The following CDH13 variants were observed in gnomAD, a reference collection of about 807,000 sequenced individuals.
CDH13 encodes the protein cadherin 13, also known as cadherin-13.
Under a neutral mutation model 63.8 loss-of-function variants are expected in CDH13, and 24 were observed. The ratio of observed to expected loss-of-function variants is 0.38; its 90% CI spans 0.27 to 0.53. CDH13 has a LOEUF of 0.53. Among genes scored for constraint, CDH13 ranks in the 20% least tolerant of loss-of-function variants. CDH13 has a pLI of 0.85. For synonymous variants in CDH13, 503 were observed against 355.3 expected, an observed-to-expected ratio of 1.42 and a Z score of -4.67; for missense variants, 1,049 against 903.1, an observed-to-expected ratio of 1.16 and a Z score of -2.07.
chr16:83,530,656 A>T (rs535436432), intron 7 of CDH13, among the ~76,000 whole-genome samples: 1 of 152,332 alleles, frequency 6.6e-6, no homozygotes, highest in South Asian at 2.1e-4. Context: ...TCTTAACCAC[A>T]CACACAAGGC....
Position 83,178,616 on chromosome 16 carries a change from A to T in CDH13, c.484-38729A>T, listed in dbSNP as rs941440350. Among the ~76,000 whole-genome samples the T allele has an allele frequency of 2.6e-5, 4 of 152,192 alleles. No individual in the cohort carries two copies. The East Asian group carries it at 7.7e-4, about 29-fold the overall frequency. ...ATTTTTAAAAATGATCACTTTGTGA[A>T]TTCTGTTAGCTGGTTGATTTTATTT... On this transcript the variant is annotated intron_variant, in intron 4 of 13. Coordinates refer to ENST00000567109, the MANE Select transcript of CDH13 (RefSeq NM_001257.5).
intron 6 of CDH13, among the ~76,000 whole-genome samples, chr16:83,401,765 C>T (rs570898530): frequency 2.0e-5 from 3 of 152,172 alleles, no homozygotes; most frequent in African/African-American, 4.8e-5. Flanking sequence ...AAACAGTTCC[C>T]TCAACAAAGA....
At chr16:82,896,710 G>A (rs2041280130) in intron 2 of CDH13, among the ~76,000 whole-genome samples, 1 of 145,188 alleles carries the variant, frequency 6.9e-6, no homozygotes, top group African/African-American at 2.5e-5. Context: ...CTGACTCTCA[G>A]TGAATAAGAG....
chr16:83,769,849 C>G (rs910463003), intron 11 of CDH13, among the ~76,000 whole-genome samples: 1 of 151,670 alleles, frequency 6.6e-6, no homozygotes, highest in Non-Finnish European at 1.5e-5. Context: ...TTTTGCATTT[C>G]AAAAAGGGCT....
At chr16:83,300,367 A>G (rs908007504) in intron 5 of CDH13, among the ~76,000 whole-genome samples, 2 of 152,228 alleles carry the variant, frequency 1.3e-5, no homozygotes, top group African/African-American at 4.8e-5. Context: ...ACTGTTCTTT[A>G]TATAGAGCTT....
At chr16:82,809,040 A>T (rs184037988) in intron 1 of CDH13, among the ~76,000 whole-genome samples, 1 of 152,128 alleles carries the variant, frequency 6.6e-6, no homozygotes, top group Non-Finnish European at 1.5e-5. Context: ...GAACATGCAT[A>T]TACATATGTA....
At chr16:83,691,252 C>G (rs1440304508) in intron 10 of CDH13, among the ~76,000 whole-genome samples, 2 of 152,134 alleles carry the variant, frequency 1.3e-5, no homozygotes, top group Non-Finnish European at 2.9e-5. Flanking sequence ...GAGGAAAGTA[C>G]AGGAATTCGG....
At chr16:83,112,902 C>G (rs2035127742) in intron 3 of CDH13, among the ~76,000 whole-genome samples, 1 of 152,126 alleles carries the variant, frequency 6.6e-6, no homozygotes, top group Non-Finnish European at 1.5e-5. Context: ...TGAGGAGGAA[C>G]TTTAAGACCG....
At chr16:82,692,163 T>C (rs777098374) in intron 1 of CDH13, among the ~76,000 whole-genome samples, 19 of 152,142 alleles carry the variant, frequency 1.2e-4, no homozygotes, top group African/African-American at 3.9e-4. Flanking sequence ...TGCTTAGGAG[T>C]GTAAGCTGCA....
chr16:83,509,973 C>A (rs74034250), intron 7 of CDH13, among the ~76,000 whole-genome samples: 3 of 152,238 alleles, frequency 2.0e-5, no homozygotes, highest in South Asian at 4.1e-4. Flanking sequence ...GGTATTGTAG[C>A]CAGCGTACCT....
intron 4 of CDH13, among the ~76,000 whole-genome samples, chr16:83,192,008 G>T (rs1397552854): frequency 6.6e-6 from 1 of 152,112 alleles, no homozygotes; most frequent in Non-Finnish European, 1.5e-5. Context: ...GAATTGATAT[G>T]ACGGTTAAAG....
intron 3 of CDH13, among the ~76,000 whole-genome samples, chr16:83,065,843 A>G (rs2031967555): frequency 6.6e-6 from 1 of 152,070 alleles, no homozygotes; most frequent in Non-Finnish European, 1.5e-5. Flanking sequence ...CACAGGACAC[A>G]CAGCTGGGGA....
chr16:83,686,154 G>A (rs927100855), intron 10 of CDH13, among the ~76,000 whole-genome samples: 10 of 152,174 alleles, frequency 6.6e-5, no homozygotes, highest in South Asian at 2.1e-4. Context: ...TCAGAACGCC[G>A]GAGCTTCCTC....
At chr16:83,035,059 T>C (rs1054362732) in intron 3 of CDH13, among the ~76,000 whole-genome samples, 6 of 151,770 alleles carry the variant, frequency 4.0e-5, no homozygotes, top group East Asian at 1.9e-4. Context: ...TGAAGATGTG[T>C]AGCTGTGTCC....
chr16:83,742,075 G>C (rs775020550), intron 10 of CDH13, among the ~76,000 whole-genome samples: 1 of 152,216 alleles, frequency 6.6e-6, no homozygotes, highest in Non-Finnish European at 1.5e-5. Flanking sequence ...CTGCAGAAGG[G>C]ACTTGTCAAA....
At chr16:83,222,313 C>G (rs1236946729) in intron 5 of CDH13, among the ~76,000 whole-genome samples, 4 of 152,062 alleles carry the variant, frequency 2.6e-5, no homozygotes, top group Non-Finnish European at 4.4e-5. Flanking sequence ...CAGAGGTATC[C>G]TTGCTCATAT....
intron 1 of CDH13, among the ~76,000 whole-genome samples, chr16:82,673,788 G>A (rs1311192889): frequency 6.6e-6 from 1 of 152,174 alleles, no homozygotes; most frequent in Non-Finnish European, 1.5e-5. Flanking sequence ...ACAGGCATGG[G>A]TTCTTGACAT....
At chr16:83,011,828 A>G (rs1407084409) in intron 2 of CDH13, among the ~76,000 whole-genome samples, 1 of 152,224 alleles carries the variant, frequency 6.6e-6, no homozygotes, top group African/African-American at 2.4e-5. Flanking sequence ...AGCAGAACAA[A>G]GGGTCTTGCT....
intron 2 of CDH13, among the ~76,000 whole-genome samples, chr16:82,923,180 G>A (rs1414464747): frequency 6.6e-6 from 1 of 152,152 alleles, no homozygotes; most frequent in Non-Finnish European, 1.5e-5. Context: ...TCTGTGAAAT[G>A]CAATAAAGGG....
Sources: allele counts gnomAD v4.1 joint callset (sites outside exome capture counted in the v4.1 genomes callset), GRCh38; gene constraint gnomAD v4.1.1; transcripts MANE v1.5; gene names NCBI Gene and HGNC (gene_info 2026-07-23, HGNC 2026-07-21).